Variants in EXD2 observed in about 807,000 individuals in gnomAD.
EXD2 encodes exonuclease 3'-5' domain-containing protein 2.
In EXD2, 40 loss-of-function variants were observed where a neutral mutation model predicts 62.5. The ratio of observed to expected loss-of-function variants is 0.64; its 90% CI spans 0.50 to 0.83. The LOEUF (loss-of-function observed/expected upper bound fraction) is 0.83. EXD2 is among the 40% of genes least tolerant of loss of function. EXD2 has a pLI of 0.00. For missense variants in EXD2, 671 were observed against 761.8 expected (o/e 0.88, Z 1.40); for synonymous variants, 239 against 291.9 (o/e 0.82, Z 1.85).
chr14:69,241,494 G>T lies in EXD2; in HGVS notation c.*394G>T, dbSNP rs2043983179. 3.9e-6 allele frequency: 1 copy of T among 256,606 alleles called. No homozygotes were observed. The highest frequency in any genetic ancestry group is 2.2e-5 in the African/African-American group (1 of 45,270). 15.9% of individuals were successfully genotyped at this position (256,606 alleles called of 1,614,324 possible). ...CCTCGGTTTATCTCTAACAGGGGCT[G>T]TCCAGTATATCGGTCCTGTTAGGAG... On this transcript the variant is annotated 3_prime_UTR_variant, in exon 10 of 10. Coordinates refer to ENST00000685843, the MANE Select transcript of EXD2 (RefSeq NM_001193360.2).
chr14:69,205,582 C>A (rs2042564136), intron 2 of EXD2, among the ~76,000 whole-genome samples: 1 of 151,662 alleles, frequency 6.6e-6, no homozygotes, highest in Non-Finnish European at 1.5e-5. Flanking sequence ...CTTTAAAGTC[C>A]TTTTCAGATC....
chr14:69,213,536 A>AGTTTTTTTTT (rs1566824755), intron 3 of EXD2, among the ~76,000 whole-genome samples: 1 of 33,936 alleles, frequency 2.9e-5, no homozygotes. Flanking sequence ...GCACCTGGAT[A>AGTTTTTTTTT]ATTTTTTTTT....
intron 1 of EXD2, among the ~76,000 whole-genome samples, chr14:69,193,397 T>C (rs1218211268): frequency 6.6e-6 from 1 of 152,166 alleles, no homozygotes; most frequent in African/African-American, 2.4e-5. Flanking sequence ...ATCGATCTTT[T>C]TTGTTTTTGC....
chr14:69,207,774 T>A (rs1475706445), intron 2 of EXD2, among the ~76,000 whole-genome samples: 1 of 152,180 alleles, frequency 6.6e-6, no homozygotes, highest in Non-Finnish European at 1.5e-5. Flanking sequence ...ACCTGACTTA[T>A]CTTAAACAAG....
chr14:69,221,886 A>C (rs2043193505), intron 3 of EXD2, among the ~76,000 whole-genome samples: 1 of 144,236 alleles, frequency 6.9e-6, no homozygotes, highest in Non-Finnish European at 1.5e-5. Flanking sequence ...AGCCTGGCCA[A>C]CATGGTGAAA....
intron 2 of EXD2, among the ~76,000 whole-genome samples, chr14:69,205,457 C>T (rs1345602539): frequency 6.6e-6 from 1 of 151,876 alleles, no homozygotes; most frequent in African/African-American, 2.4e-5. Flanking sequence ...TACATTTTAA[C>T]CTGTCTATTG....
intron 3 of EXD2, among the ~76,000 whole-genome samples, chr14:69,222,148 C>T (rs1566830728): frequency 6.6e-6 from 1 of 151,340 alleles, no homozygotes; most frequent in Non-Finnish European, 1.5e-5. Flanking sequence ...AATTTTACCC[C>T]ATTTGGTAGA....
intron 3 of EXD2, among the ~76,000 whole-genome samples, chr14:69,218,232 TGGTG>T (rs1266686710): frequency 6.6e-6 from 1 of 152,208 alleles, no homozygotes; most frequent in African/African-American, 2.4e-5. Context: ...CCATTCTAAC[TGGTG>T]TGAGATGGTA....
Position 69,218,210 on chromosome 14 carries a change from T to G in EXD2, c.333+8407T>G, listed in dbSNP as rs956709943. Among the ~76,000 whole-genome samples the G allele has an allele frequency of 2.0e-5, 3 of 152,324 alleles. No individual in the cohort carries two copies. The South Asian group carries it at 6.2e-4, about 32-fold the overall frequency. On this transcript the variant is annotated intron_variant, in intron 3 of 9. Coordinates refer to ENST00000685843, the MANE Select transcript of EXD2 (RefSeq NM_001193360.2). Reference sequence around the variant, plus strand: ...CTCCAGCACCTGTTGTTTCCTGACTTTTTAATGATCGCCATTCTAACTGGT... The same window carrying G: ...CTCCAGCACCTGTTGTTTCCTGACTGTTTAATGATCGCCATTCTAACTGGT...
chr14:69,239,408 A>G (rs1048598340), intron 9 of EXD2, among the ~76,000 whole-genome samples: 26 of 152,246 alleles, frequency 1.7e-4, no homozygotes, highest in African/African-American at 6.0e-4. Context: ...AACTCCAATT[A>G]TAAGCAAATA....
At chr14:69,237,534 A>G in intron 8 of EXD2, 41 bp from the exon 9 acceptor site, 1 of 1,591,362 alleles carries the variant, frequency 6.3e-7, no homozygotes, top group Non-Finnish European at 8.6e-7. Flanking sequence ...GTGCTCTGTC[A>G]TACACTTATG....
At position 69,204,218 on chromosome 14, in the gene EXD2, C is replaced by T. The variant is rs1172995972; in HGVS notation, c.-48+218C>T. ...GTATTTTTCTAATTACAAATATGTA[C>T]ATATTCGTATAAAATTTGAAAAATA... On this transcript the variant is annotated intron_variant, in intron 2 of 9. Coordinates refer to ENST00000685843, the MANE Select transcript of EXD2 (RefSeq NM_001193360.2). 3.3e-5 allele frequency among the ~76,000 whole-genome samples: 5 copies of T among 152,120 alleles called. No individual in the cohort carries two copies. The South Asian group carries it at 8.3e-4, about 25-fold the overall frequency.
At chr14:69,210,531 G>A (rs1295311422) in intron 3 of EXD2, among the ~76,000 whole-genome samples, 1 of 152,190 alleles carries the variant, frequency 6.6e-6, no homozygotes, top group East Asian at 1.9e-4. Context: ...TATGCTGAGT[G>A]TGGCGGTGGC....
chr14:69,209,633 C>A lies in EXD2; in HGVS notation c.163C>A (p.Pro55Thr), dbSNP rs1391922258. ...QKVLGSRELPPPEDDQLHSSA... is the reference protein window; with the variant it reads ...QKVLGSRELPTPEDDQLHSSA... ...AGTGCTGGGCAGTAGAGAGCTGCCC[C>A]CTCCAGAAGATGATCAGCTGCACTC... Residue 55 changes from proline (P) to threonine (T), a missense_variant, in exon 3 of 10, where the codon CCT (proline) becomes ACT (threonine). Transcript: ENST00000685843. 1.9e-6 allele frequency: 3 copies of A among 1,550,420 alleles called. No individual in the cohort carries two copies. The highest frequency in any genetic ancestry group is 2.6e-6 in the Non-Finnish European group (3 of 1,146,952).
rs138342186 is a variant in EXD2, at chr14:69,240,439, C to G, written c.1650-445C>G. 1.2e-3 allele frequency among the ~76,000 whole-genome samples: 180 copies of G among 152,310 alleles called. 4 individuals carry two copies. In the East Asian group the frequency reaches 0.019, roughly 16 times the overall value. On this transcript the variant is annotated intron_variant, in intron 9 of 9. Coordinates refer to ENST00000685843, the MANE Select transcript of EXD2 (RefSeq NM_001193360.2). The stretch of plus-strand genomic sequence containing the variant: ...AATATGCTACCTTGCATTTGACATT[C>G]AGTTATTAAATTGTGTTGTGAAAAA...
intron 9 of EXD2, among the ~76,000 whole-genome samples, chr14:69,238,247 T>C (rs1594785795): frequency 6.6e-6 from 1 of 152,214 alleles, no homozygotes; most frequent in South Asian, 2.1e-4. Context: ...ACACATTCTA[T>C]GCAGACGTAA....
chr14:69,194,591 C>G (rs562801983), intron 1 of EXD2, among the ~76,000 whole-genome samples: 7 of 152,174 alleles, frequency 4.6e-5, no homozygotes, highest in African/African-American at 1.7e-4. Context: ...AGGAGATTCT[C>G]CCCCATCAGC....
intron 3 of EXD2, among the ~76,000 whole-genome samples, chr14:69,211,637 GA>G (rs1428938325): frequency 6.6e-6 from 1 of 151,938 alleles, no homozygotes; most frequent in Non-Finnish European, 1.5e-5. Flanking sequence ...GGGCCATCAA[GA>G]AAGGATCAGT....
intron 2 of EXD2, 120 bp downstream of exon 2, chr14:69,204,120 A>T (rs957254554): frequency 1.3e-5 from 2 of 152,246 alleles, no homozygotes; most frequent in Non-Finnish European, 2.9e-5. Context: ...AGTGTGATTT[A>T]TTCCAAGAAT....
Sources: allele counts gnomAD v4.1 joint callset (sites outside exome capture counted in the v4.1 genomes callset), GRCh38; gene constraint gnomAD v4.1.1; transcripts MANE v1.5; gene names NCBI Gene and HGNC (gene_info 2026-07-23, HGNC 2026-07-21).